Variants in BTBD1 observed in about 807,000 individuals in gnomAD.
BTBD1 encodes BTB domain containing 1, also known as BTB/POZ domain-containing protein 1.
A neutral mutation model predicts 48.0 loss-of-function variants in BTBD1; 34 were observed. That is an observed-to-expected ratio of 0.71 (90% CI 0.54 to 0.94). The LOEUF (loss-of-function observed/expected upper bound fraction) is 0.94. Among genes scored for constraint, BTBD1 ranks in the 40% least tolerant of loss-of-function variants. The probability of loss-of-function intolerance (pLI) is 0.00; values close to 1 mark genes in which losing one functional copy is unlikely to be tolerated. For missense variants in BTBD1, 543 were observed against 625.6 expected (o/e 0.87, Z 1.41); for synonymous variants, 261 against 242.1 (o/e 1.08, Z -0.72).
rs775305863 is a variant in BTBD1 at position 83,041,892 on chromosome 15, AGT to A, written c.696_697del (p.Leu233GlnfsTer31). The A allele has an allele frequency of 1.2e-6, 2 of 1,614,042 alleles. No homozygotes were observed. Among genetic ancestry groups the A allele is most frequent in the African/African-American group, 2.7e-5 (2 of 74,912 alleles). On this transcript the variant is annotated frameshift_variant, in exon 4 of 8. Transcript: ENST00000261721. LOFTEE classifies it high-confidence loss of function. ...AAAAAGTCGACTTTCTCGAATACTG[AGT>A]GTGTCTCTCTCTAAAACTGCACAGA...
At chr15:83,056,686 C>G (rs1209169995) in intron 1 of BTBD1, 141 bp from the exon 2 acceptor site, 31 of 571,936 alleles carry the variant, frequency 5.4e-5, no homozygotes, top group Non-Finnish European at 7.3e-5. Flanking sequence ...CACCCACCCA[C>G]CCAGCCATCC....
chr15:83,047,275 T>C (rs955343192), intron 3 of BTBD1, among the ~76,000 whole-genome samples: 2 of 152,216 alleles, frequency 1.3e-5, no homozygotes, highest in East Asian at 3.8e-4. Context: ...GAACACGGTA[T>C]CTAATTAAGT....
At chr15:83,053,708 C>T (rs949812926) in intron 2 of BTBD1, among the ~76,000 whole-genome samples, 4 of 152,238 alleles carry the variant, frequency 2.6e-5, no homozygotes, top group African/African-American at 9.6e-5. Context: ...GGAAAAAATA[C>T]GGAGATATCA....
At chr15:83,053,224 C>A (rs553537084) in intron 2 of BTBD1, among the ~76,000 whole-genome samples, 9 of 152,084 alleles carry the variant, frequency 5.9e-5, no homozygotes, top group African/African-American at 9.7e-5. Context: ...AGTATACTGG[C>A]ACTTTGCTTT....
intron 1 of BTBD1, chr15:83,061,672 G>A (rs1025617464): frequency 6.6e-6 from 1 of 152,240 alleles, no homozygotes; most frequent in African/African-American, 2.4e-5. Context: ...AGCTGAAGAA[G>A]CCTCTTGAAG....
intron 2 of BTBD1, among the ~76,000 whole-genome samples, chr15:83,050,430 T>TGTGTGTG (rs2032959429): frequency 6.8e-6 from 1 of 146,150 alleles, no homozygotes; most frequent in Non-Finnish European, 1.5e-5. Flanking sequence ...TTTTATGTGC[T>TGTGTGTG]TGTGTGTGTG....
intron 4 of BTBD1, among the ~76,000 whole-genome samples, chr15:83,036,040 T>C (rs970692297): frequency 6.8e-6 from 1 of 147,956 alleles, no homozygotes; most frequent in Non-Finnish European, 1.5e-5. Flanking sequence ...TAGGTTTAAA[T>C]TGGGAAATCA....
chr15:83,034,207 T>A (rs193159561), intron 4 of BTBD1, among the ~76,000 whole-genome samples: 25 of 152,196 alleles, frequency 1.6e-4, no homozygotes, highest in African/African-American at 6.0e-4. Flanking sequence ...CTGAATTTTT[T>A]AAAAATGAAG....
intron 3 of BTBD1, chr15:83,044,370 G>A: frequency 6.5e-7 from 1 of 1,531,846 alleles, no homozygotes; most frequent in South Asian, 1.2e-5. Context: ...TGCCCACCAT[G>A]GCCACAGTTC....
intron 3 of BTBD1, among the ~76,000 whole-genome samples, chr15:83,047,654 T>C (rs1455981292): frequency 1.3e-5 from 2 of 152,186 alleles, no homozygotes; most frequent in East Asian, 1.9e-4. Context: ...CTTTCTCCCA[T>C]CTGCCAGCAA....
At chr15:83,060,952 A>AC (rs1237220293) in intron 1 of BTBD1, among the ~76,000 whole-genome samples, 4 of 152,240 alleles carry the variant, frequency 2.6e-5, no homozygotes, top group African/African-American at 9.6e-5. Flanking sequence ...TATAGCAGGC[A>AC]CTGTAATAGT....
chr15:83,032,727 G>C (rs1475571754), intron 4 of BTBD1, among the ~76,000 whole-genome samples: 2 of 152,014 alleles, frequency 1.3e-5, no homozygotes, highest in South Asian at 2.1e-4. Flanking sequence ...TGGGGACTTG[G>C]GGGGAATGGT....
At chr15:83,028,869 ATTTAT>A (rs1448958237) in intron 5 of BTBD1, 2 of 152,054 alleles carry the variant, frequency 1.3e-5, no homozygotes, top group African/African-American at 4.8e-5. Flanking sequence ...CCAGAGGTTT[ATTTAT>A]TTTATTGGTC....
intron 3 of BTBD1, among the ~76,000 whole-genome samples, chr15:83,049,401 G>A (rs921421200): frequency 2.6e-5 from 4 of 152,190 alleles, no homozygotes; most frequent in East Asian, 1.9e-4. Flanking sequence ...ATAATGAAAC[G>A]ACATTATTCA....
intron 5 of BTBD1, among the ~76,000 whole-genome samples, chr15:83,029,037 CT>C (rs2032465751): frequency 6.6e-6 from 1 of 152,164 alleles, no homozygotes; most frequent in South Asian, 2.1e-4. Flanking sequence ...TATTTCTACT[CT>C]ATTTACTACA....
chr15:83,018,826 G>C lies in BTBD1; in HGVS notation c.1171C>G (p.Leu391Val). The change falls in exon 7 of 8, where the codon CTG becomes GTG. Residue 391 changes from leucine (L) to valine (V), a missense_variant. Leu to Val is a conservative substitution (Grantham distance 32). Transcript: ENST00000261721. ...CTAAAGCCGGTATCATTCTGTCCCA[G>C]GGTTTGCTTTTTCTCATATTCAATG... ...QIIEYEKKQT[L>V]GQNDTGFSCD... 1.2e-6 allele frequency: 2 copies of C among 1,613,738 alleles called. No homozygotes were observed. The highest frequency in any genetic ancestry group is 2.2e-5 in the South Asian group (2 of 90,972).
At chr15:83,040,159 T>C (rs74643104) in intron 4 of BTBD1, among the ~76,000 whole-genome samples, 342 of 152,290 alleles carry the variant, frequency 2.2e-3, no homozygotes, top group African/African-American at 7.6e-3. Context: ...ATGTTCTCAC[T>C]TGTGGAAGCT....
intron 3 of BTBD1, among the ~76,000 whole-genome samples, chr15:83,042,747 T>C (rs1362570603): frequency 6.6e-6 from 1 of 152,154 alleles, no homozygotes; most frequent in African/African-American, 2.4e-5. Flanking sequence ...TACATTCTAA[T>C]GAGGAGAAAC....
chr15:83,029,773 G>A, intron 5 of BTBD1: 1 of 215,672 alleles, frequency 4.6e-6, no homozygotes, highest in Non-Finnish European at 9.2e-6. Flanking sequence ...AGGAGGCTGA[G>A]GTGGGAGGAT....
Sources: allele counts gnomAD v4.1 joint callset (sites outside exome capture counted in the v4.1 genomes callset), GRCh38; gene constraint gnomAD v4.1.1; transcripts MANE v1.5; gene names NCBI Gene and HGNC (gene_info 2026-07-23, HGNC 2026-07-21).